Variants in GALNT13 observed in about 807,000 individuals in gnomAD.
The protein encoded by GALNT13 is polypeptide N-acetylgalactosaminyltransferase 13, also known as UDP-GalNAc:polypeptide N-acetylgalactosaminyltransferase 13.
Under a neutral mutation model 64.2 loss-of-function variants are expected in GALNT13, and 28 were observed. The ratio of observed to expected loss-of-function variants is 0.44; its 90% CI spans 0.32 to 0.60. The LOEUF (loss-of-function observed/expected upper bound fraction) is 0.60, where lower values mean the gene tolerates loss of function less well. Ranked by LOEUF, GALNT13 falls within the 20% of genes least tolerant of loss-of-function variation. The probability of loss-of-function intolerance (pLI) is 0.05; values close to 1 mark genes in which losing one functional copy is unlikely to be tolerated. For synonymous variants in GALNT13, 214 were observed against 224.6 expected, an observed-to-expected ratio of 0.95 and a Z score of 0.42; for missense variants, 577 against 669.8, an observed-to-expected ratio of 0.86 and a Z score of 1.53.
At chr2:153,978,652 A>G (rs1054584308) in intron 3 of GALNT13, among the ~76,000 whole-genome samples, 5 of 152,176 alleles carry the variant, frequency 3.3e-5, no homozygotes, top group Non-Finnish European at 5.9e-5. Flanking sequence ...ACCTCCTGCC[A>G]TGATTCTGTG....
intron 6 of GALNT13, 92 bp from the exon 7 acceptor site, chr2:154,245,720 A>T (rs1490589090): frequency 1.3e-6 from 1 of 798,698 alleles, no homozygotes; most frequent in African/African-American, 1.7e-5. Flanking sequence ...AAAATAATTA[A>T]ATTTCCTCAT....
the GALNT13 span, among the ~76,000 whole-genome samples, chr2:153,071,876 C>T: frequency 6.6e-6 from 1 of 152,104 alleles, no homozygotes; most frequent in Non-Finnish European, 1.5e-5. Flanking sequence ...ATATGTGGCC[C>T]AGAAAGCCTA....
intron 4 of GALNT13, among the ~76,000 whole-genome samples, chr2:154,227,845 C>G (rs115140311): frequency 6.6e-6 from 1 of 150,824 alleles, no homozygotes; most frequent in East Asian, 1.9e-4. Context: ...AACTTTGCCA[C>G]GAAATATCTC....
chr2:153,304,388 A>G, the GALNT13 span, among the ~76,000 whole-genome samples: 1 of 152,134 alleles, frequency 6.6e-6, no homozygotes, highest in East Asian at 1.9e-4. Context: ...ATTGACCATC[A>G]AGGAACAGGA....
chr2:153,451,073 A>G, the GALNT13 span, among the ~76,000 whole-genome samples: 1 of 152,144 alleles, frequency 6.6e-6, no homozygotes. Flanking sequence ...TTTCTTCCCA[A>G]TTGCTGTATA....
intron 9 of GALNT13, among the ~76,000 whole-genome samples, chr2:154,329,454 G>T (rs1695052400): frequency 6.6e-6 from 1 of 152,172 alleles, no homozygotes; most frequent in Non-Finnish European, 1.5e-5. Context: ...TTAAAACATA[G>T]TCAAATTTAT....
chr2:153,260,163 C>T, the GALNT13 span, among the ~76,000 whole-genome samples: 1 of 152,084 alleles, frequency 6.6e-6, no homozygotes. Context: ...ATTATATGGT[C>T]TATGTCTTGA....
At chr2:153,566,496 A>G in the GALNT13 span, among the ~76,000 whole-genome samples, 1 of 151,806 alleles carries the variant, frequency 6.6e-6, no homozygotes, top group African/African-American at 2.4e-5. Flanking sequence ...CTGGGACTAC[A>G]GGCGCCTGCC....
intron 4 of GALNT13, among the ~76,000 whole-genome samples, chr2:154,208,000 C>G (rs749578954): frequency 1.2e-4 from 18 of 152,078 alleles, no homozygotes; most frequent in Non-Finnish European, 4.4e-5. Context: ...GCTAATTTGG[C>G]TCTTTTCTAT....
the GALNT13 span, among the ~76,000 whole-genome samples, chr2:153,262,424 G>A: frequency 2.2e-4 from 34 of 152,180 alleles, no homozygotes; most frequent in Non-Finnish European, 3.7e-4. Context: ...TCAAAAGGAG[G>A]GATTCCTCCC....
the GALNT13 span, among the ~76,000 whole-genome samples, chr2:153,800,262 G>A: frequency 6.6e-6 from 1 of 152,054 alleles, no homozygotes; most frequent in Non-Finnish European, 1.5e-5. Context: ...TATGTGTGCA[G>A]TATTATTATG....
At chr2:153,729,315 T>C in the GALNT13 span, among the ~76,000 whole-genome samples, 1 of 152,282 alleles carries the variant, frequency 6.6e-6, no homozygotes, top group South Asian at 2.1e-4. Context: ...GATGTACATA[T>C]TTTTAATATA....
chr2:153,914,483 C>CAAAAAA (rs762980653), intron 2 of GALNT13, among the ~76,000 whole-genome samples: 1 of 117,044 alleles, frequency 8.5e-6, no homozygotes, highest in East Asian at 2.5e-4. Context: ...GTCTCCGTCT[C>CAAAAAA]AAAAAAAAAA....
At chr2:153,827,354 T>C in the GALNT13 span, among the ~76,000 whole-genome samples, 1 of 152,250 alleles carries the variant, frequency 6.6e-6, no homozygotes, top group Admixed American at 6.5e-5. Flanking sequence ...CTGGGCACAG[T>C]GGCTCATGCC....
At chr2:153,758,747 G>A in the GALNT13 span, among the ~76,000 whole-genome samples, 41 of 152,004 alleles carry the variant, frequency 2.7e-4, no homozygotes, top group South Asian at 2.1e-3. Context: ...CCTGTGTGCC[G>A]CACCCAGCTA....
the GALNT13 span, among the ~76,000 whole-genome samples, chr2:153,605,057 T>C: frequency 6.6e-6 from 1 of 152,038 alleles, no homozygotes; most frequent in South Asian, 2.1e-4. Context: ...TCCAGTTCGA[T>C]TTCCAGTTTG....
the GALNT13 span, among the ~76,000 whole-genome samples, chr2:153,134,070 C>T: frequency 3.9e-5 from 6 of 152,232 alleles, no homozygotes; most frequent in South Asian, 1.0e-3. Flanking sequence ...TTCATTTAGT[C>T]TAATTACTGT....
At chr2:154,433,248 A>C (rs1700786842) in intron 11 of GALNT13, among the ~76,000 whole-genome samples, 1 of 152,138 alleles carries the variant, frequency 6.6e-6, no homozygotes, top group South Asian at 2.1e-4. Context: ...AGCTGACTGC[A>C]CTGCCTAAGG....
chr2:153,830,311 G>T, the GALNT13 span, among the ~76,000 whole-genome samples: 1 of 152,116 alleles, frequency 6.6e-6, no homozygotes, highest in Admixed American at 6.5e-5. Flanking sequence ...TGAAGACATT[G>T]AATTTCACAT....
Sources: allele counts gnomAD v4.1 joint callset (sites outside exome capture counted in the v4.1 genomes callset), GRCh38; gene constraint gnomAD v4.1.1; transcripts MANE v1.5; gene names NCBI Gene and HGNC (gene_info 2026-07-23, HGNC 2026-07-21).